KANSL1: variants seen among roughly 807,000 people sequenced by gnomAD.
KANSL1 encodes the protein KAT8 regulatory NSL complex subunit 1.
KANSL1 carries 22 observed loss-of-function variants against 103.6 expected under a neutral mutation model. That is an observed-to-expected ratio of 0.21 (90% confidence interval 0.15 to 0.30). The LOEUF is 0.30. Among genes scored for constraint, KANSL1 ranks in the 10% least tolerant of loss-of-function variants. The probability of loss-of-function intolerance (pLI) is 1.00; values close to 1 mark genes in which losing one functional copy is unlikely to be tolerated. For missense variants in KANSL1, 1,337 were observed against 1,399.8 expected (o/e 0.96, Z 0.72); for synonymous variants, 600 against 527.6 (o/e 1.14, Z -1.88).
At chr17:46,058,570 T>C (rs866370273) in intron 6 of KANSL1, among the ~76,000 whole-genome samples, 1 of 152,136 alleles carries the variant, frequency 6.6e-6, no homozygotes, top group African/African-American at 2.4e-5. Context: ...AATACTACTA[T>C]AGGGATAAAA....
chr17:46,067,928 C>T (rs1029916872), intron 4 of KANSL1, among the ~76,000 whole-genome samples: 2 of 151,064 alleles, frequency 1.3e-5, no homozygotes, highest in Non-Finnish European at 3.0e-5. Context: ...CTGGGCAACA[C>T]AGCGAGACCT....
chr17:46,053,939 T>C (rs4792827), intron 6 of KANSL1, among the ~76,000 whole-genome samples: 82,360 of 151,980 alleles, frequency 0.54, 22,717 homozygotes, highest in East Asian at 0.89. Context: ...CAAGAACACA[T>C]ACAATATTGT....
At chr17:46,158,065 A>G (rs1002326743) in intron 2 of KANSL1, among the ~76,000 whole-genome samples, 3 of 152,288 alleles carry the variant, frequency 2.0e-5, no homozygotes, top group African/African-American at 7.2e-5. Flanking sequence ...ATTCTATGAA[A>G]GGCAACTAAA....
At chr17:46,213,112 C>T (rs575546465) in intron 1 of KANSL1, among the ~76,000 whole-genome samples, 11 of 149,950 alleles carry the variant, frequency 7.3e-5, no homozygotes, top group Non-Finnish European at 1.5e-4. Context: ...ATTACCACCA[C>T]CATCAAGTGC....
At chr17:46,133,063 T>G (rs1403015620) in intron 2 of KANSL1, among the ~76,000 whole-genome samples, 1 of 152,208 alleles carries the variant, frequency 6.6e-6, no homozygotes, top group Admixed American at 6.5e-5. Context: ...GTGACCACTT[T>G]TTACATTTTT....
intron 2 of KANSL1, among the ~76,000 whole-genome samples, chr17:46,167,745 G>A (rs2046078132): frequency 6.6e-6 from 1 of 152,216 alleles, no homozygotes; most frequent in Non-Finnish European, 1.5e-5. Context: ...ATAATACAAT[G>A]ATAAACATAC....
At chr17:46,162,741 T>C (rs1918789) in intron 2 of KANSL1, among the ~76,000 whole-genome samples, 21,948 of 152,276 alleles carry the variant, frequency 0.14, 2,134 homozygotes, top group Non-Finnish European at 0.22. Context: ...ATACAAATCA[T>C]GTAAGCCATG....
intron 2 of KANSL1, among the ~76,000 whole-genome samples, chr17:46,163,608 C>A (rs2045855990): frequency 6.6e-6 from 1 of 152,214 alleles, no homozygotes; most frequent in Non-Finnish European, 1.5e-5. Flanking sequence ...AGAACCTGGA[C>A]TCTCATGAGC....
chr17:46,111,128 G>T (rs1001947681), intron 2 of KANSL1, among the ~76,000 whole-genome samples: 6 of 152,254 alleles, frequency 3.9e-5, no homozygotes, highest in Admixed American at 3.9e-4. Context: ...CGGTTTTAAA[G>T]AAGGGCATAG....
In KANSL1 at chr17:46,050,633, G is replaced by A. The variant is rs780950088; in HGVS notation, c.1920C>T (p.Ser640=). The A allele has an allele frequency of 6.2e-7, 1 of 1,614,208 alleles. No homozygotes were observed. Among genetic ancestry groups the A allele is most frequent in the Non-Finnish European group, 8.5e-7 (1 of 1,180,016 alleles). ...GAATTTCGGGAGGCATGGTGTTGAT[G>A]CTGCCTGAACCACACAGTGCGCAGG... ...NPSCALCGSG[S]INTMPPEIHY... is the part of the protein sequence containing the mutation. Residue 640 remains serine (S), a synonymous_variant, in exon 7 of 15, where the codon AGC becomes AGT. Coordinates refer to ENST00000432791, the MANE Select transcript of KANSL1 (RefSeq NM_015443.4).
At chr17:46,087,601 A>C (rs2079214988) in intron 3 of KANSL1, among the ~76,000 whole-genome samples, 1 of 152,234 alleles carries the variant, frequency 6.6e-6, no homozygotes, top group Admixed American at 6.5e-5. Flanking sequence ...CTATAACAGA[A>C]GTTGAGAGAA....
chr17:46,204,953 A>T (rs2047915986), intron 1 of KANSL1, among the ~76,000 whole-genome samples: 1 of 152,240 alleles, frequency 6.6e-6, no homozygotes, highest in Admixed American at 6.5e-5. Context: ...AATCTAATAA[A>T]AAATACCTAT....
chr17:46,110,422 T>C (rs544955742), intron 2 of KANSL1, among the ~76,000 whole-genome samples: 43 of 152,280 alleles, frequency 2.8e-4, no homozygotes, highest in African/African-American at 1.0e-3. Flanking sequence ...GGTATTATGA[T>C]CATCACTGCC....
chr17:46,092,491 T>A lies in KANSL1; in HGVS notation c.1431+2069A>T, dbSNP rs372909679. Among the ~76,000 whole-genome samples the A allele has an allele frequency of 1.4e-3, 209 of 152,248 alleles. 2 individuals carry two copies. Among genetic ancestry groups the A allele is most frequent in the Middle Eastern group, 0.01 (3 of 294 alleles). On this transcript the variant is annotated intron_variant, in intron 3 of 14. Transcript: ENST00000432791. ...ATACCTTTGACTGAGATAAAGATAT[T>A]TATCATGGCATATTTAATTTAAATA...
upstream of KANSL1, among the ~76,000 whole-genome samples, chr17:46,198,571 A>C (rs1354702202): frequency 6.6e-6 from 1 of 152,192 alleles, no homozygotes; most frequent in Non-Finnish European, 1.5e-5. Flanking sequence ...GTCTCAACTA[A>C]AAATACAAAA....
At chr17:46,158,312 T>G (rs2045540661) in intron 2 of KANSL1, among the ~76,000 whole-genome samples, 1 of 152,086 alleles carries the variant, frequency 6.6e-6, no homozygotes, top group African/African-American at 2.4e-5. Flanking sequence ...TTTTGCTTTT[T>G]GGGAGGAGGG....
chr17:46,109,584 G>A (rs1370912534), intron 2 of KANSL1, among the ~76,000 whole-genome samples: 1 of 151,996 alleles, frequency 6.6e-6, no homozygotes, highest in East Asian at 1.9e-4. Flanking sequence ...GACCTCAAAG[G>A]TTGAGCTAGT....
chr17:46,112,610 G>T (rs987302692), intron 2 of KANSL1, among the ~76,000 whole-genome samples: 3 of 147,494 alleles, frequency 2.0e-5, no homozygotes, highest in African/African-American at 5.4e-5. Flanking sequence ...GCTTGAACCT[G>T]GGAGGCAGAG....
chr17:46,097,565 T>C (rs2042139705), intron 2 of KANSL1, among the ~76,000 whole-genome samples: 1 of 152,252 alleles, frequency 6.6e-6, no homozygotes, highest in South Asian at 2.1e-4. Context: ...TGACTTCTCA[T>C]GTAAAAAAAC....
Sources: allele counts gnomAD v4.1 joint callset (sites outside exome capture counted in the v4.1 genomes callset), GRCh38; gene constraint gnomAD v4.1.1; transcripts MANE v1.5; gene names NCBI Gene and HGNC (gene_info 2026-07-23, HGNC 2026-07-21).